Variants in ZZEF1 observed in about 807,000 individuals in gnomAD.
ZZEF1 encodes the protein zinc finger ZZ-type and EF-hand domain-containing protein 1.
In ZZEF1, 157 loss-of-function variants were observed where a neutral mutation model predicts 342.8. The ratio of observed to expected loss-of-function variants is 0.46; its 90% CI spans 0.40 to 0.52. The LOEUF is 0.52. ZZEF1 is among the 20% of genes least tolerant of loss of function. The pLI is 0.00. For missense variants in ZZEF1, 3,480 were observed against 3,725.6 expected (o/e 0.93, Z 1.72); for synonymous variants, 1,505 against 1,429.1 (o/e 1.05, Z -1.20).
intron 11 of ZZEF1, among the ~76,000 whole-genome samples, chr17:4,093,619 AC>A (rs2145398624): frequency 6.6e-6 from 1 of 152,286 alleles, no homozygotes; most frequent in African/African-American, 2.4e-5. Context: ...TCAGTCTCAG[AC>A]CCCACCCAGA....
At chr17:4,019,580 CCAGAAGCTGCTGCCA>C in intron 46 of ZZEF1, 74 bp downstream of exon 46, 1 of 1,219,572 alleles carries the variant, frequency 8.2e-7, no homozygotes, top group Admixed American at 2.0e-5. Flanking sequence ...GTCGATCGAT[CCAGAAGCTGCTGCCA>C]GGAGGCGCAC....
intron 42 of ZZEF1, among the ~76,000 whole-genome samples, chr17:4,029,742 C>T (rs906954181): frequency 2.0e-5 from 3 of 151,816 alleles, no homozygotes; most frequent in Non-Finnish European, 4.4e-5. Context: ...GGCATAGTGG[C>T]ATGTGCCTGT....
intron 30 of ZZEF1, among the ~76,000 whole-genome samples, chr17:4,059,964 C>G (rs2057249519): frequency 6.6e-6 from 1 of 152,224 alleles, no homozygotes; most frequent in Non-Finnish European, 1.5e-5. Flanking sequence ...GGGCGTCAGC[C>G]CAGGACGCTG....
In ZZEF1 at chr17:4,014,438, G is replaced by A. The variant is rs371711530; in HGVS notation, c.8223C>T (p.Asp2741=). The A allele has an allele frequency of 5.4e-5, 87 of 1,614,198 alleles. No individual in the cohort carries two copies. The highest frequency in any genetic ancestry group is 6.6e-5 in the Non-Finnish European group (78 of 1,180,038). ...DSQCNTEEGC[D]ELAMSSSSDF... ...CACTGCTGCTGGACATGGCTAACTC[G>A]TCACAGCCCTCCTCTGTGTTGCACT... Residue 2741 remains aspartate (D), a synonymous_variant, in exon 50 of 55, where the codon GAC becomes GAT. Coordinates refer to ENST00000381638, the MANE Select transcript of ZZEF1 (RefSeq NM_015113.4). The surrounding 1 kb of genome is among the most constrained non-coding windows in gnomAD (Gnocchi z 4.4).
At position 4,139,958 on chromosome 17, in the gene ZZEF1, C is replaced by G. The variant is rs77820912; in HGVS notation, c.354+2584G>C. 1.3e-5 allele frequency among the ~76,000 whole-genome samples: 2 copies of G among 152,162 alleles called. 1 individual carries two copies. Among genetic ancestry groups the G allele is most frequent in the South Asian group, 4.1e-4 (2 of 4,834 alleles). ...TGGCCTGTGGGATGTAAGCTATGCCCGTAAGAGAGTGGGCATGGCTTCTTC... is the reference window on the plus strand; with the variant it reads ...TGGCCTGTGGGATGTAAGCTATGCCGGTAAGAGAGTGGGCATGGCTTCTTC... On this transcript the variant is annotated intron_variant, in intron 1 of 54. Transcript: ENST00000381638.
In ZZEF1 at chr17:4,017,666, G is replaced by C. The variant is rs747281714; in HGVS notation, c.7706C>G (p.Ser2569Cys). Residue 2569 changes from serine (S) to cysteine (C), a missense_variant, in exon 48 of 55, where the codon TCC (serine) becomes TGC (cysteine). Ser to Cys is a moderately radical substitution (Grantham distance 112, BLOSUM62 -1). Transcript: ENST00000381638. This position sits in a 1 kb window ranked among gnomAD's most constrained non-coding sequence, Gnocchi z 5.1. ...CTGCTGCAGTTCGCTCTCTGTGCTG[G>C]AGATCAGCTTCTGGGTCACAGGGTT... is the stretch of plus-strand genomic sequence containing the variant. ...ESNPVTQKLI[S>C]STESELQQSY... 4.3e-6 allele frequency: 7 copies of C among 1,613,992 alleles called. No homozygotes were observed. Among genetic ancestry groups the C allele is most frequent in the Non-Finnish European group, 5.9e-6 (7 of 1,180,036 alleles).
Position 4,020,007 on chromosome 17 carries a change from A to G in ZZEF1, c.7405-238T>C, listed in dbSNP as rs2056225626. On this transcript the variant is annotated intron_variant, in intron 45 of 54. Transcript: ENST00000381638. Reference sequence around the variant, plus strand: ...ATTATAAAACACTAAAACCCCAAAGAAATATCCTGTCAACAAAATACAATG... The same window carrying G: ...ATTATAAAACACTAAAACCCCAAAGGAATATCCTGTCAACAAAATACAATG... The G allele has an allele frequency of 7.1e-6, 3 of 419,980 alleles. No homozygotes were observed. In the South Asian group the frequency reaches 1.2e-4, roughly 17 times the overall value. 26.0% of individuals were successfully genotyped at this position (419,980 alleles called of 1,614,324 possible). A position where few individuals can be genotyped will look rare whatever the true frequency, so the allele number is the denominator to read the frequency against.
rs116342413 is a variant in ZZEF1, at chr17:4,018,009, T to C, written c.7506-38A>G. On this transcript the variant is annotated intron_variant, in intron 46 of 54. Coordinates refer to ENST00000381638, the MANE Select transcript of ZZEF1 (RefSeq NM_015113.4). ...AGCACAAAGTTGAGTACCAACAGTG[T>C]AGACAGGCCAGTTTTAACCTGCACT... is the stretch of plus-strand genomic sequence containing the variant. 9.2e-4 allele frequency: 1,484 copies of C among 1,609,024 alleles called. 11 individuals are homozygous for C. The African/African-American group carries it at 0.018, about 19-fold the overall frequency.
intron 32 of ZZEF1, 29 bp downstream of exon 32, chr17:4,057,965 A>G: frequency 1.2e-6 from 2 of 1,605,222 alleles, no homozygotes; most frequent in Middle Eastern, 1.7e-4. Flanking sequence ...CTACATTAGG[A>G]ACTGCAGAGC....
chr17:4,050,893 C>T lies in ZZEF1; in HGVS notation c.5751G>A (p.Glu1917=). Residue 1917 remains glutamate, a synonymous_variant, in exon 36 of 55, where the codon GAG becomes GAA. Coordinates refer to ENST00000381638, the MANE Select transcript of ZZEF1 (RefSeq NM_015113.4). ...GGTCCAGCTTCTCCCCATCCACATC[C>T]TCTGCACTGGCCAGGTGGGCGCTAT... ...ALYSAHLASA[E]DVDGEKLDPQ... is the part of the protein sequence containing the mutation. 6.2e-7 allele frequency: 1 copy of T among 1,614,216 alleles called. No homozygotes were observed. The highest frequency in any genetic ancestry group is 8.5e-7 in the Non-Finnish European group (1 of 1,180,034).
At position 4,098,212 on chromosome 17, in the gene ZZEF1, G is replaced by A. The variant is rs570612823; in HGVS notation, c.1673-1512C>T. Reference sequence around the variant, plus strand: ...GAGATCTCACCATTGCACTCCAGCCGGCCTGGGTGACAGAGTGAGACTCCA... The same window carrying A: ...GAGATCTCACCATTGCACTCCAGCCAGCCTGGGTGACAGAGTGAGACTCCA... On this transcript the variant is annotated intron_variant, in intron 9 of 54. Transcript: ENST00000381638. Among the ~76,000 whole-genome samples the A allele has an allele frequency of 2.1e-4, 31 of 146,086 alleles. No individual in the cohort carries two copies. The South Asian group carries it at 2.2e-3, about 10-fold the overall frequency.
chr17:4,075,268 T>A lies in ZZEF1; in HGVS notation c.3396A>T (p.Glu1132Asp), dbSNP rs768210711. 41 of 1,614,022 alleles carry A rather than the reference T, an allele frequency of 2.5e-5. No homozygotes were observed. The highest frequency in any genetic ancestry group is 3.4e-5 in the Non-Finnish European group (40 of 1,179,990). ...EVEFDDRCET[E>D]KRYDYLEFTD... Reference sequence around the variant, plus strand: ...AAAGAATATAGAAGTCTTACCTTTTTTCAGTTTCACACCTGTCATCGAATT... The same window carrying A: ...AAAGAATATAGAAGTCTTACCTTTTATCAGTTTCACACCTGTCATCGAATT... The change falls in exon 22 of 55, where the codon GAA (glutamate) becomes GAT (aspartate). Residue 1132 changes from glutamate (E) to aspartate (D), a missense_variant. This residue lies in a region of ZZEF1 where 1,528 missense variants were observed against 1,624.1 expected (regional missense o/e 0.94). Coordinates refer to ENST00000381638, the MANE Select transcript of ZZEF1 (RefSeq NM_015113.4).
intron 9 of ZZEF1, among the ~76,000 whole-genome samples, chr17:4,100,708 G>A (rs559380705): frequency 1.8e-4 from 27 of 152,136 alleles, no homozygotes; most frequent in Non-Finnish European, 2.6e-4. Flanking sequence ...GGTGGCGGGC[G>A]CCTGTAGTCT....
rs138512379 is a variant in ZZEF1, at chr17:4,073,925, G to T, written c.3685+225C>A. Among the ~76,000 whole-genome samples, 3 of 152,020 alleles carry T rather than the reference G, an allele frequency of 2.0e-5. No individual in the cohort carries two copies. The East Asian group carries it at 5.8e-4, about 29-fold the overall frequency. On this transcript the variant is annotated intron_variant, in intron 24 of 54. Transcript: ENST00000381638. ...AAAAAAAAAGCTGTTATCCTCCATA[G>T]ACAGAGAACCCATGGCAGCCTTCCT...
chr17:4,049,628 T>C (rs1024599630), intron 37 of ZZEF1, 80 bp downstream of exon 37: 6 of 1,550,216 alleles, frequency 3.9e-6, no homozygotes, highest in Non-Finnish European at 5.3e-6. Context: ...GCTCTTAACC[T>C]CTCTGCTATG....
chr17:4,066,943 G>A (rs2057412590), intron 27 of ZZEF1, among the ~76,000 whole-genome samples: 1 of 152,182 alleles, frequency 6.6e-6, no homozygotes, highest in African/African-American at 2.4e-5. Flanking sequence ...ACGAAGGGAT[G>A]TAAAGAGGGG....
intron 2 of ZZEF1, among the ~76,000 whole-genome samples, chr17:4,122,636 C>T (rs889725419): frequency 6.6e-6 from 1 of 152,178 alleles, no homozygotes; most frequent in Non-Finnish European, 1.5e-5. Flanking sequence ...CCGCCTACCT[C>T]GGCCTCCCCA....
chr17:4,048,145 C>A (rs1010327743), intron 37 of ZZEF1, among the ~76,000 whole-genome samples: 1 of 152,130 alleles, frequency 6.6e-6, no homozygotes, highest in Non-Finnish European at 1.5e-5. Flanking sequence ...ACTGATTAAT[C>A]CCATTTCTCC....
chr17:4,047,650 AT>A, intron 37 of ZZEF1, among the ~76,000 whole-genome samples: 1 of 149,378 alleles, frequency 6.7e-6, no homozygotes, highest in Non-Finnish European at 1.5e-5. Flanking sequence ...CTCAAAAAAA[AT>A]AAGAAAAGTG....
Sources: gnomAD v4.1 joint callset for allele counts (sites outside exome capture counted in the v4.1 genomes callset) on GRCh38, gnomAD v4.1.1 for gene constraint, gnomAD v4.1.1 regional missense constraint, Gnocchi (gnomAD v3.1) non-coding constraint, MANE v1.5 for transcripts, NCBI Gene and HGNC (gene_info 2026-07-23, HGNC 2026-07-21) for gene names.